TBCK: variants seen among roughly 807,000 people sequenced by gnomAD.
TBCK encodes the protein TBC domain-containing protein kinase-like protein.
Under a neutral mutation model 113.4 loss-of-function variants are expected in TBCK, and 99 were observed. The observed-to-expected ratio is 0.87, with a 90% CI of 0.74 to 1.03. The LOEUF is 1.03. Ranked by LOEUF, TBCK falls within the 50% of genes least tolerant of loss-of-function variation. TBCK has a pLI of 0.00. For synonymous variants in TBCK, 369 were observed against 370.8 expected (o/e 1.00, Z 0.05); for missense variants, 1,045 against 1,061.3 (o/e 0.98, Z 0.21).
rs1161949912 is a variant in TBCK, at chr4:106,212,739, C to T, written c.1860+11G>A. 2.5e-6 allele frequency: 4 copies of T among 1,573,554 alleles called. No homozygotes were observed. The highest frequency in any genetic ancestry group is 2.2e-5 in the East Asian group (1 of 44,456). ...TTAACCACATGTTCTATTAATGCAC[C>T]AAGTACTTACATCTGGAATGAAACC... is the stretch of plus-strand genomic sequence containing the variant. On this transcript the variant is annotated intron_variant, in intron 20 of 25. Transcript: ENST00000394708.
intron 3 of TBCK, among the ~76,000 whole-genome samples, chr4:106,277,295 G>C (rs958839350): frequency 6.6e-6 from 1 of 152,018 alleles, no homozygotes. Flanking sequence ...TAAAATATTA[G>C]TCATACACAT....
intron 19 of TBCK, among the ~76,000 whole-genome samples, chr4:106,229,068 T>G (rs1050332982): frequency 3.3e-5 from 5 of 152,092 alleles, no homozygotes; most frequent in Admixed American, 3.3e-4. Flanking sequence ...TAATCAAATC[T>G]TTTGCCCTTT....
chr4:106,316,532 G>C (rs115186370), upstream of TBCK: 56,260 of 1,551,148 alleles, frequency 0.036, 1,225 homozygotes, highest in Middle Eastern at 0.072. Context: ...TATAGTACGC[G>C]GGTGGCTGGA....
At chr4:106,123,184 G>A (rs964131131) in intron 23 of TBCK, among the ~76,000 whole-genome samples, 6 of 152,134 alleles carry the variant, frequency 3.9e-5, no homozygotes, top group Admixed American at 1.3e-4. Flanking sequence ...AAAGTCTCAG[G>A]ATACAAAATC....
chr4:106,298,106 T>G (rs1318835709), intron 2 of TBCK, among the ~76,000 whole-genome samples: 1 of 152,330 alleles, frequency 6.6e-6, no homozygotes, highest in East Asian at 1.9e-4. Flanking sequence ...TAATTTTGTT[T>G]TGTAGCACTT....
At chr4:106,192,975 G>C (rs1753821332) in intron 22 of TBCK, among the ~76,000 whole-genome samples, 1 of 152,036 alleles carries the variant, frequency 6.6e-6, no homozygotes, top group Non-Finnish European at 1.5e-5. Context: ...TACATCCTAG[G>C]TAACGACATT....
chr4:106,242,560 A>C lies in TBCK; in HGVS notation c.1080T>G (p.Phe360Leu). The C allele has an allele frequency of 6.3e-7, 1 of 1,598,312 alleles. No homozygotes were observed. Among genetic ancestry groups the C allele is most frequent in the South Asian group, 1.1e-5 (1 of 87,326 alleles). Residue 360 changes from phenylalanine (F) to leucine (L), a missense_variant, in exon 12 of 26, where the codon TTT becomes TTG. By Grantham distance (22) the Phe-to-Leu change is conservative. Coordinates refer to ENST00000394708, the MANE Select transcript of TBCK (RefSeq NM_001163435.3). Reference protein sequence around the residue: ...PPICTLPNFLFEDGESFGQGR... With the variant: ...PPICTLPNFLLEDGESFGQGR... The stretch of plus-strand genomic sequence containing the variant: ...CTTGTCCAAAGCTTTCACCATCCTC[A>C]AAGAGAAAACTGAAAAGAAATTTTT...
At chr4:106,144,302 G>C (rs183669723) in intron 23 of TBCK, among the ~76,000 whole-genome samples, 2 of 152,300 alleles carry the variant, frequency 1.3e-5, no homozygotes, top group African/African-American at 2.4e-5. Context: ...TCGAATAAAA[G>C]TTGAGTAAGT....
chr4:106,056,429 ATC>A (rs140199798), intron 25 of TBCK, among the ~76,000 whole-genome samples: 6 of 150,576 alleles, frequency 4.0e-5, no homozygotes, highest in African/African-American at 9.7e-5. Flanking sequence ...GTCTCTAAGT[ATC>A]TCTCTCTCTC....
At chr4:106,157,188 T>G (rs1195119825) in intron 23 of TBCK, among the ~76,000 whole-genome samples, 1 of 152,092 alleles carries the variant, frequency 6.6e-6, no homozygotes, top group Non-Finnish European at 1.5e-5. Context: ...TGGTATTCTA[T>G]CCTACTGTGG....
At chr4:106,273,928 CAT>C (rs1471538789) in intron 3 of TBCK, among the ~76,000 whole-genome samples, 7 of 152,232 alleles carry the variant, frequency 4.6e-5, no homozygotes, top group South Asian at 2.1e-4. Flanking sequence ...CTTTCCATCA[CAT>C]GTTTGGTCTT....
intron 19 of TBCK, among the ~76,000 whole-genome samples, chr4:106,218,345 C>G (rs1757239679): frequency 6.7e-6 from 1 of 150,152 alleles, no homozygotes; most frequent in South Asian, 2.1e-4. Flanking sequence ...AAAGCAATGG[C>G]AACAAAAGAC....
chr4:106,221,669 C>CA (rs200025989), intron 19 of TBCK, among the ~76,000 whole-genome samples: 4,992 of 138,830 alleles, frequency 0.036, 229 homozygotes, highest in African/African-American at 0.12. Flanking sequence ...AGAGTAGTTA[C>CA]AAAAAAAAAA....
At position 106,247,198 on chromosome 4, in the gene TBCK, G is replaced by A; in HGVS notation, c.872C>T (p.Ser291Leu). 8 of 1,613,512 alleles carry A rather than the reference G, an allele frequency of 5.0e-6. No homozygotes were observed. The highest frequency in any genetic ancestry group is 6.8e-6 in the Non-Finnish European group (8 of 1,179,678). The change falls in exon 10 of 26, where the codon TCA becomes TTA. Residue 291 changes from serine to leucine, a missense_variant. Physicochemically the swap from Ser to Leu is moderately radical, Grantham distance 145 (BLOSUM62 -2). Coordinates refer to ENST00000394708, the MANE Select transcript of TBCK (RefSeq NM_001163435.3). ...TAAATCAGCACATCTCAGAGAAGAT[G>A]AAAACAGACTGGCAGGTTTGGTAAA... ...TPFTKPASLF[S>L]SSLRCADLTL...
chr4:106,154,154 T>C (rs1050697680), intron 23 of TBCK, among the ~76,000 whole-genome samples: 1 of 152,164 alleles, frequency 6.6e-6, no homozygotes, highest in South Asian at 2.1e-4. Flanking sequence ...CCTTCCTGTC[T>C]TCCTTTTAGT....
intron 23 of TBCK, among the ~76,000 whole-genome samples, chr4:106,159,499 C>A (rs1476557397): frequency 2.0e-5 from 3 of 151,762 alleles, no homozygotes; most frequent in Non-Finnish European, 4.4e-5. Flanking sequence ...AATGAACAAT[C>A]AGAAAAGGAA....
chr4:106,117,833 C>A (rs530464935), intron 23 of TBCK, among the ~76,000 whole-genome samples: 1 of 152,104 alleles, frequency 6.6e-6, no homozygotes, highest in East Asian at 1.9e-4. Flanking sequence ...ACCGGTGAAA[C>A]CCTGTCTCTA....
intron 2 of TBCK, among the ~76,000 whole-genome samples, chr4:106,295,462 GAC>G (rs1766199854): frequency 6.6e-6 from 1 of 151,986 alleles, no homozygotes; most frequent in Non-Finnish European, 1.5e-5. Context: ...CCCTTCTTCT[GAC>G]ACACATTGAA....
chr4:106,129,677 A>T (rs1745651187), intron 23 of TBCK, among the ~76,000 whole-genome samples: 1 of 152,226 alleles, frequency 6.6e-6, no homozygotes, highest in Non-Finnish European at 1.5e-5. Context: ...AGGTAATAAA[A>T]ATGTTTTACG....
Sources: allele counts gnomAD v4.1 joint callset (sites outside exome capture counted in the v4.1 genomes callset), GRCh38; gene constraint gnomAD v4.1.1; transcripts MANE v1.5; gene names NCBI Gene and HGNC (gene_info 2026-07-23, HGNC 2026-07-21).